NEURL4: variants seen among roughly 807,000 people sequenced by gnomAD.
NEURL4 encodes neuralized E3 ubiquitin protein ligase 4.
NEURL4 carries 45 observed loss-of-function variants against 148.0 expected under a neutral mutation model. The observed-to-expected ratio is 0.30, with a 90% CI of 0.24 to 0.39. The LOEUF is 0.39. Among genes scored for constraint, NEURL4 ranks in the 10% least tolerant of loss-of-function variants. NEURL4 has a pLI of 1.00. For missense variants in NEURL4, 1,776 were observed against 2,144.0 expected, an observed-to-expected ratio of 0.83 and a Z score of 3.39; for synonymous variants, 854 against 869.0, an observed-to-expected ratio of 0.98 and a Z score of 0.30.
chr17:7,325,187 C>T (rs2073088148), intron 8 of NEURL4, 22 bp downstream of exon 8: 2 of 1,067,104 alleles, frequency 1.9e-6, no homozygotes, highest in Non-Finnish European at 2.6e-6. Flanking sequence ...CTTCAGGCTT[C>T]TCCCCACCCC....
Position 7,318,169 on chromosome 17 carries a change from A to G in NEURL4, c.3956T>C (p.Ile1319Thr), listed in dbSNP as rs751662996. ...DMEKADMVDG[I>T]KESVCWGPPP... Reference sequence around the variant, plus strand: ...TGGACCCCAGCACACACTCTCTTTGATACCTGAGGGAGCAGAGGGGCACAG... The same window carrying G: ...TGGACCCCAGCACACACTCTCTTTGGTACCTGAGGGAGCAGAGGGGCACAG... The change falls in exon 25 of 29, where the codon ATC (isoleucine) becomes ACC (threonine). Residue 1319 changes from isoleucine to threonine, a missense_variant. Ile to Thr is a moderately conservative substitution (Grantham distance 89). Transcript: ENST00000399464. This position sits in a 1 kb window ranked among gnomAD's most constrained non-coding sequence, Gnocchi z 4.3. 1.6e-5 allele frequency: 26 copies of G among 1,613,846 alleles called. No individual in the cohort carries two copies. The highest frequency in any genetic ancestry group is 2.7e-5 in the African/African-American group (2 of 74,904).
In NEURL4 at chr17:7,317,487, A is replaced by C. The variant is rs1425887472; in HGVS notation, c.4292T>G (p.Val1431Gly). The C allele has an allele frequency of 6.2e-7, 1 of 1,613,616 alleles. No homozygotes were observed. The highest frequency in any genetic ancestry group is 8.5e-7 in the Non-Finnish European group (1 of 1,179,942). ...HGSNVAAVRR[V>G]LDRGELGAGT... ...TGCTCCCAGCTCCCCTCGGTCCAGC[A>C]CTCTCCGTACAGCGGCAACATTGCT... The change falls in exon 27 of 29, where the codon GTG becomes GGG. Residue 1431 changes from valine (V) to glycine (G), a missense_variant. Val to Gly is a moderately radical substitution (Grantham distance 109). Coordinates refer to ENST00000399464, the MANE Select transcript of NEURL4 (RefSeq NM_032442.3).
rs761846255 is a variant in NEURL4, at chr17:7,321,914, T to C, written c.2822A>G (p.His941Arg). The C allele has an allele frequency of 3.1e-6, 5 of 1,614,040 alleles. No individual in the cohort carries two copies. Among genetic ancestry groups the C allele is most frequent in the Non-Finnish European group, 4.2e-6 (5 of 1,180,014 alleles). The change falls in exon 17 of 29, where the codon CAT becomes CGT. Residue 941 changes from histidine to arginine, a missense_variant. Physicochemically the swap from His to Arg is conservative, Grantham distance 29 (BLOSUM62 0). Transcript: ENST00000399464. This position sits in a 1 kb window ranked among gnomAD's most constrained non-coding sequence, Gnocchi z 6.3. ...CTCCTTGGTACTGAAGACAAGGCCA[T>C]GAGCATAGCCAGCGGCACGCACTGC... ...TRAVRAAGYA[H>R]GLVFSTKELR...
Position 7,323,690 on chromosome 17 carries a change from G to A in NEURL4, c.2295C>T (p.Val765=), listed in dbSNP as rs769491670. ...ALRDGELFEI[V]IQKMVDRWSG... The stretch of plus-strand genomic sequence containing the variant: ...ACCAGCGGTCCACCATCTTCTGAAT[G>A]ACAATTTCAAACAGCTCTCCATCCC... Residue 765 remains valine (V), a synonymous_variant, in exon 13 of 29, where the codon GTC becomes GTT. Coordinates refer to ENST00000399464, the MANE Select transcript of NEURL4 (RefSeq NM_032442.3). 5 of 1,613,736 alleles carry A rather than the reference G, an allele frequency of 3.1e-6. No homozygotes were observed. The highest frequency in any genetic ancestry group is 4.2e-6 in the Non-Finnish European group (5 of 1,179,890).
intron 8 of NEURL4, 65 bp downstream of exon 8, chr17:7,325,144 T>TGGGGGGGGGGGGGGGCG: frequency 1.0e-6 from 1 of 956,486 alleles, no homozygotes; most frequent in Non-Finnish European, 1.5e-6. Flanking sequence ...TCCACTTCCT[T>TGGGGGGGGGGGGGGGCG]GCCCCGCCCC....
In NEURL4 at chr17:7,321,815, C is replaced by T. The variant is rs753957511; in HGVS notation, c.2872-28G>A. On this transcript the variant is annotated intron_variant, in intron 17 of 28. Transcript: ENST00000399464. The surrounding 1 kb of genome is among the most constrained non-coding windows in gnomAD (Gnocchi z 6.3). ...ACGAGACAGAGAAAACATAAGCTGG[C>T]CCTGTCGTGATGGGCCTCGCAGCCC... 2.5e-6 allele frequency: 4 copies of T among 1,612,126 alleles called. No individual in the cohort carries two copies. The highest frequency in any genetic ancestry group is 1.3e-5 in the African/African-American group (1 of 75,016).
At chr17:7,319,694 C>G (rs891665641) in intron 21 of NEURL4, among the ~76,000 whole-genome samples, 1 of 118,604 alleles carries the variant, frequency 8.4e-6, no homozygotes, top group African/African-American at 2.7e-5. Flanking sequence ...GAGCTAAACT[C>G]CGTCTCAAAA....
intron 21 of NEURL4, among the ~76,000 whole-genome samples, chr17:7,319,726 A>AC (rs373294654): frequency 0.44 from 50,590 of 114,782 alleles, 11,313 homozygotes; most frequent in South Asian, 0.58. Flanking sequence ...ACAAAAAAAC[A>AC]AAAAAAAAAC....
rs115251947 is a variant in NEURL4 at position 7,318,224 on chromosome 17, G to T, written c.3952+45C>A. The T allele has an allele frequency of 8.1e-6, 13 of 1,610,716 alleles. No individual in the cohort carries two copies. The highest frequency in any genetic ancestry group is 1.1e-5 in the Non-Finnish European group (13 of 1,176,926). On this transcript the variant is annotated intron_variant, in intron 24 of 28. Coordinates refer to ENST00000399464, the MANE Select transcript of NEURL4 (RefSeq NM_032442.3). This position sits in a 1 kb window ranked among gnomAD's most constrained non-coding sequence, Gnocchi z 4.3. The stretch of plus-strand genomic sequence containing the variant: ...CAGGAGCTGGGCTAGAAGGGTGAGG[G>T]TGGGGGAGTAGGGGCAGGAGCTGGG...
Position 7,318,549 on chromosome 17 carries a change from T to A in NEURL4, c.3810A>T (p.Pro1270=), listed in dbSNP as rs1336971004. 1.2e-6 allele frequency: 2 copies of A among 1,613,422 alleles called. No homozygotes were observed. Among genetic ancestry groups the A allele is most frequent in the South Asian group, 2.2e-5 (2 of 90,976 alleles). ...VNGVDQGVAV[P]DVPQPCHALV... ...GCGCATGGCAGGGCTGGGGCACATC[T>A]GGCACAGCTACCCCCTGGTCCACCC... The change falls in exon 23 of 29, where the codon CCA becomes CCT. Residue 1270 remains proline, a synonymous_variant. Coordinates refer to ENST00000399464, the MANE Select transcript of NEURL4 (RefSeq NM_032442.3). This position sits in a 1 kb window ranked among gnomAD's most constrained non-coding sequence, Gnocchi z 4.3.
intron 1 of NEURL4, 93 bp downstream of exon 1, chr17:7,328,938 G>T: frequency 8.0e-7 from 1 of 1,245,054 alleles, no homozygotes; most frequent in Non-Finnish European, 1.1e-6. Flanking sequence ...TCGGTGCCCG[G>T]CAATGTGGGC....
chr17:7,318,937 C>T lies in NEURL4; in HGVS notation c.3684+113G>A, dbSNP rs2072988989. On this transcript the variant is annotated intron_variant, in intron 22 of 28. Transcript: ENST00000399464. This position sits in a 1 kb window ranked among gnomAD's most constrained non-coding sequence, Gnocchi z 4.3. ...CGCCCTTGCCTGCCCATTACTGTTC[C>T]CCTTTTACACCTGTGGTCCTACCTC... 1 of 1,246,152 alleles carries T rather than the reference C, an allele frequency of 8.0e-7. No homozygotes were observed. The highest frequency in any genetic ancestry group is 2.4e-5 in the East Asian group (1 of 42,224). The allele number at this position is 1,246,152 out of a possible 1,614,324, so 77.2% of individuals were successfully genotyped here.
Position 7,326,469 on chromosome 17 carries a change from T to C in NEURL4, c.1172A>G (p.Glu391Gly). The change falls in exon 5 of 29, where the codon GAG becomes GGG. Residue 391 changes from glutamate to glycine, a missense_variant. By Grantham distance (98) the Glu-to-Gly change is moderately conservative (BLOSUM62 -2). Transcript: ENST00000399464. The surrounding 1 kb of genome is among the most constrained non-coding windows in gnomAD (Gnocchi z 6.0). The stretch of plus-strand genomic sequence containing the variant: ...GAGGTTGGTCATGGTGGCTGGGTAC[T>C]CCAAACTGTTGGGGTTGTGGGTGGT... The part of the protein sequence containing the change: ...GVTTHNPNSL[E>G]YPATMTNLQS... 1 of 1,614,126 alleles carries C rather than the reference T, an allele frequency of 6.2e-7. No homozygotes were observed. Among genetic ancestry groups the C allele is most frequent in the Non-Finnish European group, 8.5e-7 (1 of 1,180,014 alleles).
chr17:7,318,678 G>C lies in NEURL4; in HGVS notation c.3685-4C>G. The C allele has an allele frequency of 6.2e-7, 1 of 1,601,586 alleles. No individual in the cohort carries two copies. The highest frequency in any genetic ancestry group is 1.1e-5 in the South Asian group (1 of 89,926). ...TGGGCCCAAACTTCTCGCAGATCTGGGAGGAGAGACCGGCTGTCTTCCAGA... is the reference window on the plus strand; with the variant it reads ...TGGGCCCAAACTTCTCGCAGATCTGCGAGGAGAGACCGGCTGTCTTCCAGA... On this transcript the variant is annotated splice_region_variant and splice_polypyrimidine_tract_variant and intron_variant, in intron 22 of 28. Coordinates refer to ENST00000399464, the MANE Select transcript of NEURL4 (RefSeq NM_032442.3). This position sits in a 1 kb window ranked among gnomAD's most constrained non-coding sequence, Gnocchi z 4.3.
At position 7,324,791 on chromosome 17, in the gene NEURL4, G is replaced by A. The variant is rs769851243; in HGVS notation, c.1813+8C>T. 3 of 1,614,032 alleles carry A rather than the reference G, an allele frequency of 1.9e-6. No individual in the cohort carries two copies. The Admixed American group carries it at 5.0e-5, about 27-fold the overall frequency. ...CCTATCCTGTCCCTGCCCTTCCTGG[G>A]AGCTCACCAGAGCGCAAGTTGGTCA... On this transcript the variant is annotated splice_region_variant and intron_variant, in intron 9 of 28. Coordinates refer to ENST00000399464, the MANE Select transcript of NEURL4 (RefSeq NM_032442.3). The surrounding 1 kb of genome is among the most constrained non-coding windows in gnomAD (Gnocchi z 5.9).
In NEURL4 at chr17:7,325,050, A is replaced by G; in HGVS notation, c.1632-70T>C. The G allele has an allele frequency of 2.5e-6, 4 of 1,580,762 alleles. No homozygotes were observed. In the African/African-American group the frequency reaches 5.4e-5, roughly 21 times the overall value. On this transcript the variant is annotated intron_variant, in intron 8 of 28. Transcript: ENST00000399464. Reference sequence around the variant, plus strand: ...TCAATGTGCCAAGGCTTAGCCCAGCAATGCCTGCCAACACTCACTGCCCCA... The same window carrying G: ...TCAATGTGCCAAGGCTTAGCCCAGCGATGCCTGCCAACACTCACTGCCCCA...
In NEURL4 at chr17:7,317,831, G is replaced by A. The variant is rs761529197; in HGVS notation, c.4162C>T (p.Arg1388Trp). Reference protein sequence around the residue: ...EAHRRRGEPPREYALPFGWCR... With the variant: ...EAHRRRGEPPWEYALPFGWCR... ...CAGCCAAAGGGCAGTGCATATTCCC[G>A]GGGAGGCTCCCCTCTGCGCCTGTGG... The change falls in exon 26 of 29, where the codon CGG (arginine) becomes TGG (tryptophan). Residue 1388 changes from arginine to tryptophan, a missense_variant. By Grantham distance (101) the Arg-to-Trp change is moderately radical. Transcript: ENST00000399464. The A allele has an allele frequency of 2.0e-5, 33 of 1,614,034 alleles. No homozygotes were observed. Among genetic ancestry groups the A allele is most frequent in the Non-Finnish European group, 2.4e-5 (28 of 1,180,044 alleles).
chr17:7,322,147 C>T lies in NEURL4; in HGVS notation c.2726-137G>A. 1 of 920,234 alleles carries T rather than the reference C, an allele frequency of 1.1e-6. No individual in the cohort carries two copies. Among genetic ancestry groups the T allele is most frequent in the Non-Finnish European group, 1.6e-6 (1 of 613,474 alleles). 57.0% of individuals were successfully genotyped at this position (920,234 alleles called of 1,614,324 possible). A position where few individuals can be genotyped will look rare whatever the true frequency, so the allele number is the denominator to read the frequency against. The stretch of plus-strand genomic sequence containing the variant: ...GCCATCTGCCATTACACCTCAGGGC[C>T]TCCTGACACCTCTTTATTGTATTTT... On this transcript the variant is annotated intron_variant, in intron 16 of 28. Coordinates refer to ENST00000399464, the MANE Select transcript of NEURL4 (RefSeq NM_032442.3). This position sits in a 1 kb window ranked among gnomAD's most constrained non-coding sequence, Gnocchi z 5.5.
At position 7,326,503 on chromosome 17, in the gene NEURL4, T is replaced by C; in HGVS notation, c.1138A>G (p.Ile380Val). ...LVDKWSGSIEIGVTTHNPNSL... is the reference protein window; with the variant it reads ...LVDKWSGSIEVGVTTHNPNSL... ...TTGGGGTTGTGGGTGGTGACCCCAATCTCAATGGAGCCTGACCACTTATCA... is the reference window on the plus strand; with the variant it reads ...TTGGGGTTGTGGGTGGTGACCCCAACCTCAATGGAGCCTGACCACTTATCA... Residue 380 changes from isoleucine (I) to valine (V), a missense_variant, in exon 5 of 29, where the codon ATT becomes GTT. By Grantham distance (29) the Ile-to-Val change is conservative (BLOSUM62 3). Transcript: ENST00000399464. The surrounding 1 kb of genome is among the most constrained non-coding windows in gnomAD (Gnocchi z 6.0). 2 of 1,614,028 alleles carry C rather than the reference T, an allele frequency of 1.2e-6. No individual in the cohort carries two copies. The highest frequency in any genetic ancestry group is 1.6e-4 in the Middle Eastern group (1 of 6,062).
Sources: allele counts gnomAD v4.1 joint callset (sites outside exome capture counted in the v4.1 genomes callset), GRCh38; gene constraint gnomAD v4.1.1; non-coding constraint Gnocchi (gnomAD v3.1); transcripts MANE v1.5; gene names NCBI Gene and HGNC (gene_info 2026-07-23, HGNC 2026-07-21).